The following PPARGC1A variants were observed in gnomAD, a reference collection of about 807,000 sequenced individuals.
PPARGC1A encodes peroxisome proliferator-activated receptor gamma coactivator 1-alpha.
A neutral mutation model predicts 88.7 loss-of-function variants in PPARGC1A; 25 were observed. That is an observed-to-expected ratio of 0.28 (90% confidence interval 0.21 to 0.39). The LOEUF (loss-of-function observed/expected upper bound fraction) is 0.39. PPARGC1A is among the 10% of genes least tolerant of loss of function. The probability of loss-of-function intolerance (pLI) is 1.00; values close to 1 mark genes in which losing one functional copy is unlikely to be tolerated. For missense variants in PPARGC1A, 880 were observed against 968.7 expected (o/e 0.91, Z 1.22); for synonymous variants, 363 against 355.6 (o/e 1.02, Z -0.24).
the PPARGC1A span, among the ~76,000 whole-genome samples, chr4:24,064,747 T>TC: frequency 2.6e-5 from 4 of 152,150 alleles, no homozygotes; most frequent in Non-Finnish European, 5.9e-5. Context: ...CATTATCCTT[T>TC]CTGGGGTTTT....
chr4:24,046,408 C>G, the PPARGC1A span, among the ~76,000 whole-genome samples: 4 of 152,104 alleles, frequency 2.6e-5, no homozygotes, highest in Non-Finnish European at 5.9e-5. Context: ...CTCAAAGGAG[C>G]CCCTTCTTCC....
chr4:24,368,329 G>C, the PPARGC1A span, among the ~76,000 whole-genome samples: 1 of 152,114 alleles, frequency 6.6e-6, no homozygotes, highest in Non-Finnish European at 1.5e-5. Flanking sequence ...GTGAAATATA[G>C]CTGTGGATGG....
chr4:24,261,965 T>C, the PPARGC1A span, among the ~76,000 whole-genome samples: 1 of 152,154 alleles, frequency 6.6e-6, no homozygotes, highest in Non-Finnish European at 1.5e-5. Flanking sequence ...TTATACAACA[T>C]AATCCAAATG....
the PPARGC1A span, among the ~76,000 whole-genome samples, chr4:24,460,695 T>C: frequency 6.6e-6 from 1 of 152,176 alleles, no homozygotes; most frequent in East Asian, 1.9e-4. Context: ...CAAAGCTATG[T>C]AACCCTCTTC....
chr4:24,399,327 A>G, the PPARGC1A span, among the ~76,000 whole-genome samples: 17 of 152,340 alleles, frequency 1.1e-4, no homozygotes, highest in South Asian at 2.1e-4. Context: ...TATAGCCACA[A>G]TTGGAAATTT....
At chr4:24,002,390 T>C in the PPARGC1A span, among the ~76,000 whole-genome samples, 21 of 152,256 alleles carry the variant, frequency 1.4e-4, no homozygotes, top group African/African-American at 5.1e-4. Context: ...CCTCTCAAAG[T>C]GCTGGGATTA....
At chr4:24,297,638 A>G in the PPARGC1A span, among the ~76,000 whole-genome samples, 1 of 152,182 alleles carries the variant, frequency 6.6e-6, no homozygotes, top group South Asian at 2.1e-4. Context: ...GAACCAAAAA[A>G]TAACACTTCA....
the PPARGC1A span, among the ~76,000 whole-genome samples, chr4:23,990,106 GTA>G: frequency 0.16 from 22,440 of 140,612 alleles, 1,814 homozygotes; most frequent in South Asian, 0.2. Flanking sequence ...TATTAATTAT[GTA>G]TATATAATAT....
the PPARGC1A span, among the ~76,000 whole-genome samples, chr4:24,405,431 G>A: frequency 6.6e-6 from 1 of 152,182 alleles, no homozygotes; most frequent in African/African-American, 2.4e-5. Flanking sequence ...ATAATCTAGA[G>A]CTATTCTGCT....
the PPARGC1A span, among the ~76,000 whole-genome samples, chr4:24,347,458 T>C: frequency 6.6e-6 from 1 of 152,226 alleles, no homozygotes. Flanking sequence ...GCATATATTT[T>C]AGGATTGTGA....
chr4:24,094,719 G>A, the PPARGC1A span, among the ~76,000 whole-genome samples: 7 of 151,870 alleles, frequency 4.6e-5, no homozygotes, highest in Non-Finnish European at 1.0e-4. Flanking sequence ...TCTCCAAATT[G>A]TAAACATAAT....
chr4:24,205,214 C>A, the PPARGC1A span, among the ~76,000 whole-genome samples: 1 of 152,264 alleles, frequency 6.6e-6, no homozygotes, highest in Admixed American at 6.5e-5. Flanking sequence ...AAGGTGGGCA[C>A]CCTGTATATC....
chr4:24,217,586 T>C, the PPARGC1A span, among the ~76,000 whole-genome samples: 1 of 152,222 alleles, frequency 6.6e-6, no homozygotes, highest in East Asian at 1.9e-4. Context: ...GCAGATCACC[T>C]GAGGTCAGGA....
the PPARGC1A span, among the ~76,000 whole-genome samples, chr4:24,457,375 A>C: frequency 6.6e-6 from 1 of 152,170 alleles, no homozygotes; most frequent in African/African-American, 2.4e-5. Context: ...TGTGGGGTTT[A>C]ATGTTTCATC....
chr4:24,211,076 C>T, the PPARGC1A span, among the ~76,000 whole-genome samples: 95 of 152,282 alleles, frequency 6.2e-4, no homozygotes, highest in African/African-American at 1.9e-3. Flanking sequence ...CCACTCTAGA[C>T]GCTGAACTTC....
chr4:24,075,117 T>C, the PPARGC1A span, among the ~76,000 whole-genome samples: 1 of 152,154 alleles, frequency 6.6e-6, no homozygotes, highest in South Asian at 2.1e-4. Flanking sequence ...GCTTCAGGTG[T>C]CTATGAGCCC....
chr4:24,126,018 T>C, the PPARGC1A span, among the ~76,000 whole-genome samples: 20 of 152,216 alleles, frequency 1.3e-4, no homozygotes, highest in South Asian at 2.1e-4. Context: ...CAATGACCTA[T>C]TGATGTAGTC....
the PPARGC1A span, among the ~76,000 whole-genome samples, chr4:24,308,358 G>A: frequency 6.6e-6 from 1 of 151,364 alleles, no homozygotes; most frequent in Admixed American, 6.6e-5. Flanking sequence ...TGGAAAGCAT[G>A]TCTTCTTAGA....
the PPARGC1A span, among the ~76,000 whole-genome samples, chr4:23,991,446 G>C: frequency 7.9e-5 from 12 of 152,090 alleles, no homozygotes; most frequent in East Asian, 2.3e-3. Flanking sequence ...TCTGCTTGAA[G>C]GGAAAGCCCT....
Sources: allele counts gnomAD v4.1 joint callset (sites outside exome capture counted in the v4.1 genomes callset), GRCh38; gene constraint gnomAD v4.1.1; transcripts MANE v1.5; gene names NCBI Gene and HGNC (gene_info 2026-07-23, HGNC 2026-07-21).